Variants in RBSN observed in about 807,000 individuals in gnomAD.
RBSN encodes the protein rabenosyn, RAB effector, also known as rabenosyn-5.
Under a neutral mutation model 60.5 loss-of-function variants are expected in RBSN, and 34 were observed. The observed-to-expected ratio is 0.56, with a 90% confidence interval of 0.43 to 0.75. The LOEUF (loss-of-function observed/expected upper bound fraction) is 0.75. RBSN is among the 30% of genes least tolerant of loss of function. The pLI, the probability that RBSN is intolerant of heterozygous loss-of-function variation, is 0.00. For missense variants in RBSN, 845 were observed against 986.8 expected (o/e 0.86, Z 1.92); for synonymous variants, 322 against 366.9 (o/e 0.88, Z 1.40).
At chr3:15,075,247 G>C (rs540028886) in intron 13 of RBSN, 1 of 581,638 alleles carries the variant, frequency 1.7e-6, no homozygotes, top group South Asian at 1.8e-5. Context: ...ATCTCACGCA[G>C]CGTTAAATAC....
rs1419992108 is a variant in RBSN at position 15,082,992 on chromosome 3, C to T, written c.599-384G>A. Among the ~76,000 whole-genome samples, 1 of 152,218 alleles carries T rather than the reference C, an allele frequency of 6.6e-6. No homozygotes were observed. The highest frequency in any genetic ancestry group is 2.1e-4 in the South Asian group (1 of 4,826). ...TCCAATTCCCTGAGGCAAAAACTAT[C>T]CATCCTTCCCATCAGTTCCCACCAC... On this transcript the variant is annotated intron_variant, in intron 8 of 13. Transcript: ENST00000253699. The surrounding 1 kb of genome is among the most constrained non-coding windows in gnomAD (Gnocchi z 4.2).
intron 6 of RBSN, 96 bp from the exon 7 acceptor site, chr3:15,085,141 C>A (rs929351368): frequency 1.4e-6 from 2 of 1,404,028 alleles, no homozygotes; most frequent in Non-Finnish European, 2.0e-6. Context: ...AGCACATTTG[C>A]ATTCCTCAAG....
chr3:15,076,496 C>T (rs1368302804), intron 12 of RBSN, among the ~76,000 whole-genome samples: 1 of 152,010 alleles, frequency 6.6e-6, no homozygotes, highest in African/African-American at 2.4e-5. Flanking sequence ...AAAAACAGAT[C>T]TCTTTATCAG....
chr3:15,080,865 T>C (rs754871485), intron 9 of RBSN, 63 bp from the exon 10 acceptor site: 1 of 1,321,798 alleles, frequency 7.6e-7, no homozygotes, highest in Non-Finnish European at 1.1e-6. Flanking sequence ...ACCCAGAAGC[T>C]AGGCTCCATC....
chr3:15,078,226 A>C, intron 10 of RBSN, 65 bp from the exon 11 acceptor site: 1 of 1,390,040 alleles, frequency 7.2e-7, no homozygotes, highest in Non-Finnish European at 1.0e-6. Context: ...ATAGTGTAGA[A>C]GGACGCTAAA....
intron 4 of RBSN, chr3:15,095,573 T>C: frequency 6.5e-6 from 2 of 307,666 alleles, no homozygotes; most frequent in Non-Finnish European, 1.2e-5. Context: ...TTGTGACAGG[T>C]AAAATGGGTG....
chr3:15,074,942 G>T lies in RBSN; in HGVS notation c.1207-12C>A. The T allele has an allele frequency of 6.3e-7, 1 of 1,594,526 alleles. No homozygotes were observed. On this transcript the variant is annotated splice_polypyrimidine_tract_variant and intron_variant, in intron 13 of 13. Coordinates refer to ENST00000253699, the MANE Select transcript of RBSN (RefSeq NM_022340.4). The surrounding 1 kb of genome is among the most constrained non-coding windows in gnomAD (Gnocchi z 6.4). ...GACTCCAGGGCAGCCTGGGGAGAGA[G>T]CAAAGCAGAGAGAAGAAACAGTCAC... is the stretch of plus-strand genomic sequence containing the variant.
In RBSN at chr3:15,077,728, T is replaced by C. The variant is rs998055120; in HGVS notation, c.998+347A>G. On this transcript the variant is annotated intron_variant, in intron 11 of 13. Transcript: ENST00000253699. The surrounding 1 kb of genome is among the most constrained non-coding windows in gnomAD (Gnocchi z 4.4). The stretch of plus-strand genomic sequence containing the variant: ...TCTTCACTCCACAATTTTTGCTATC[T>C]GTGACATGATTCCTCACCTTTGACA... Among the ~76,000 whole-genome samples, 5 of 152,326 alleles carry C rather than the reference T, an allele frequency of 3.3e-5. No individual in the cohort carries two copies. In the East Asian group the frequency reaches 5.8e-4, roughly 18 times the overall value.
At chr3:15,087,017 C>T (rs2043359591) in intron 5 of RBSN, among the ~76,000 whole-genome samples, 1 of 152,150 alleles carries the variant, frequency 6.6e-6, no homozygotes. Context: ...TTGTCACATG[C>T]CATGCTTTTA....
intron 5 of RBSN, among the ~76,000 whole-genome samples, chr3:15,086,781 G>T (rs2043354866): frequency 6.6e-6 from 1 of 152,192 alleles, no homozygotes; most frequent in Admixed American, 6.5e-5. Context: ...AATGCTGGTA[G>T]ATTCCCTTGT....
intron 10 of RBSN, among the ~76,000 whole-genome samples, chr3:15,079,049 A>G (rs978203963): frequency 6.6e-6 from 1 of 152,048 alleles, no homozygotes; most frequent in Non-Finnish European, 1.5e-5. Flanking sequence ...TTTAACTTCT[A>G]GGTTACAAAC....
At position 15,092,119 on chromosome 3, in the gene RBSN, C is replaced by T. The variant is rs1018855878; in HGVS notation, c.149-1580G>A. Reference sequence around the variant, plus strand: ...GCAGCCTTGATCTCTTGGGCTCAAGCGATCCTCTCGCCTCAGTCTCTCAAG... The same window carrying T: ...GCAGCCTTGATCTCTTGGGCTCAAGTGATCCTCTCGCCTCAGTCTCTCAAG... On this transcript the variant is annotated intron_variant, in intron 4 of 13. Coordinates refer to ENST00000253699, the MANE Select transcript of RBSN (RefSeq NM_022340.4). 7.9e-5 allele frequency among the ~76,000 whole-genome samples: 12 copies of T among 152,234 alleles called. 4 individuals carry two copies. Among genetic ancestry groups the T allele is most frequent in the Non-Finnish European group, 2.9e-5 (2 of 68,024 alleles).
At position 15,070,482 on chromosome 3, in the gene RBSN, T is replaced by G. The variant is rs543057504; in HGVS notation, c.*3300A>C. 58 of 152,782 alleles carry G rather than the reference T, an allele frequency of 3.8e-4. No individual in the cohort carries two copies. Among genetic ancestry groups the G allele is most frequent in the African/African-American group, 1.2e-3 (48 of 41,586 alleles). 9.5% of individuals were successfully genotyped at this position (152,782 alleles called of 1,614,324 possible). On this transcript the variant is annotated 3_prime_UTR_variant, in exon 14 of 14. Coordinates refer to ENST00000253699, the MANE Select transcript of RBSN (RefSeq NM_022340.4). Reference sequence around the variant, plus strand: ...GTCTAGGGAGATCTGCTATGCCATATCAAGACCTTGCTCATCTGGTGATGA... The same window carrying G: ...GTCTAGGGAGATCTGCTATGCCATAGCAAGACCTTGCTCATCTGGTGATGA...
chr3:15,073,770 C>T lies in RBSN; in HGVS notation c.*12G>A, dbSNP rs770428003. The T allele has an allele frequency of 2.6e-5, 42 of 1,588,534 alleles. No individual in the cohort carries two copies. The highest frequency in any genetic ancestry group is 1.6e-4 in the East Asian group (7 of 44,810). ...AGACCCCTGGGCCCAAAGGTGCCCT[C>T]TCCACTGCTGGTCAGTCAGTGCCCC... On this transcript the variant is annotated 3_prime_UTR_variant, in exon 14 of 14. Transcript: ENST00000253699.
intron 2 of RBSN, among the ~76,000 whole-genome samples, chr3:15,097,265 A>T (rs1317797104): frequency 6.6e-6 from 1 of 152,206 alleles, no homozygotes; most frequent in Non-Finnish European, 1.5e-5. Flanking sequence ...CTGTAATCCC[A>T]GCACTTTGGG....
At chr3:15,078,759 CAAA>C (rs755729739) in intron 10 of RBSN, among the ~76,000 whole-genome samples, 5,181 of 28,864 alleles carry the variant, frequency 0.18, 311 homozygotes, top group East Asian at 0.32. Context: ...AACTCGGTCT[CAAA>C]AAAAAAAAAA....
chr3:15,080,524 T>A (rs573140364), intron 10 of RBSN, among the ~76,000 whole-genome samples: 1 of 152,206 alleles, frequency 6.6e-6, no homozygotes, highest in Admixed American at 6.5e-5. Flanking sequence ...TACAAGCTCA[T>A]GTGATGGTAG....
intron 11 of RBSN, 59 bp downstream of exon 11, chr3:15,078,016 A>G (rs1323018898): frequency 6.8e-7 from 1 of 1,472,572 alleles, no homozygotes; most frequent in East Asian, 2.3e-5. Context: ...TCGCCATTTC[A>G]TTAGAACAGC....
At chr3:15,076,052 C>T (rs1176355839) in intron 12 of RBSN, among the ~76,000 whole-genome samples, 4 of 151,966 alleles carry the variant, frequency 2.6e-5, no homozygotes, top group Non-Finnish European at 4.4e-5. Context: ...TTCTCCAGAG[C>T]ACTTTTGCTA....
Sources: gnomAD v4.1 joint callset for allele counts (sites outside exome capture counted in the v4.1 genomes callset) on GRCh38, gnomAD v4.1.1 for gene constraint, Gnocchi (gnomAD v3.1) non-coding constraint, MANE v1.5 for transcripts, NCBI Gene and HGNC (gene_info 2026-07-23, HGNC 2026-07-21) for gene names.